Variants in RNF212B observed in about 807,000 individuals in gnomAD.
The protein encoded by RNF212B is E3 ubiquitin-protein ligase RNF212B.
In RNF212B, 52 loss-of-function variants were observed where a neutral mutation model predicts 55.5. That is an observed-to-expected ratio of 0.94 (90% confidence interval 0.75 to 1.18). RNF212B has a LOEUF of 1.18. Ranked by LOEUF, RNF212B falls within the 50% of genes most tolerant of loss-of-function variation. RNF212B has a pLI of 0.00. For missense variants in RNF212B, 289 were observed against 350.4 expected (o/e 0.82, Z 1.40); for synonymous variants, 99 against 121.4 (o/e 0.82, Z 1.21).
At chr14:23,269,457 G>T (rs970626321) in intron 12 of RNF212B, among the ~76,000 whole-genome samples, 3 of 152,076 alleles carry the variant, frequency 2.0e-5, no homozygotes, top group Non-Finnish European at 1.5e-5. Context: ...ATTTTGGCCC[G>T]GTAGTGGCTC....
At chr14:23,213,312 T>TA (rs10707951) in intron 2 of RNF212B, among the ~76,000 whole-genome samples, 382 of 140,410 alleles carry the variant, frequency 2.7e-3, no homozygotes, top group Middle Eastern at 7.6e-3. Context: ...GACTCCGTCT[T>TA]AAAAAAAAAA....
intron 1 of RNF212B, among the ~76,000 whole-genome samples, chr14:23,189,414 C>T (rs1172552013): frequency 6.6e-6 from 1 of 152,138 alleles, no homozygotes; most frequent in African/African-American, 2.4e-5. Flanking sequence ...AGACTTTGCT[C>T]TTGAAATTAT....
chr14:23,263,169 A>G (rs558047692), intron 9 of RNF212B, among the ~76,000 whole-genome samples, 199 bp downstream of exon 9: 58 of 152,246 alleles, frequency 3.8e-4, no homozygotes, highest in African/African-American at 1.2e-3. Flanking sequence ...TGGGCAGACA[A>G]TCATTAACAG....
In RNF212B at chr14:23,252,947, T is replaced by C. The variant is rs79116791; in HGVS notation, c.229-5602T>C. 6.8e-4 allele frequency among the ~76,000 whole-genome samples: 103 copies of C among 152,254 alleles called. No individual in the cohort carries two copies. In the East Asian group the frequency reaches 0.017, roughly 26 times the overall value. On this transcript the variant is annotated intron_variant, in intron 4 of 14. Transcript: ENST00000430154. ...TGATTAATGCTTAATTATAACTATA[T>C]TTCTGTCCAGAGCCAAGCATGTAAT...
intron 4 of RNF212B, among the ~76,000 whole-genome samples, chr14:23,249,110 G>T (rs1049621498): frequency 6.6e-6 from 1 of 152,104 alleles, no homozygotes; most frequent in Non-Finnish European, 1.5e-5. Flanking sequence ...TCTATTTTAT[G>T]GTTTTTAAAA....
intron 2 of RNF212B, among the ~76,000 whole-genome samples, chr14:23,213,015 TA>T (rs1880681598): frequency 6.6e-6 from 1 of 151,854 alleles, no homozygotes; most frequent in Admixed American, 6.6e-5. Flanking sequence ...ACCTGTACAC[TA>T]AAAATTATAA....
intron 14 of RNF212B, 123 bp downstream of exon 14, chr14:23,270,784 A>G (rs1886018469): frequency 4.4e-6 from 3 of 675,504 alleles, no homozygotes; most frequent in Non-Finnish European, 5.3e-6. Flanking sequence ...AACTCTGGTA[A>G]CTATATGTTC....
intron 2 of RNF212B, among the ~76,000 whole-genome samples, chr14:23,216,206 A>G (rs1431604503): frequency 5.3e-5 from 8 of 152,332 alleles, no homozygotes; most frequent in Middle Eastern, 3.4e-3. Flanking sequence ...AGATCGTGCC[A>G]CTGCACTCCA....
intron 1 of RNF212B, among the ~76,000 whole-genome samples, chr14:23,191,403 C>G (rs1878111181): frequency 6.6e-6 from 1 of 150,912 alleles, no homozygotes; most frequent in Non-Finnish European, 1.5e-5. Context: ...TCACCTGTAC[C>G]TTGCCTTTTA....
intron 5 of RNF212B, 97 bp from the exon 6 acceptor site, chr14:23,259,787 C>G (rs1885164423): frequency 3.8e-6 from 2 of 525,032 alleles, no homozygotes; most frequent in Non-Finnish European, 6.6e-6. Flanking sequence ...AAGCATTTCT[C>G]AGTAAGTATT....
intron 2 of RNF212B, among the ~76,000 whole-genome samples, chr14:23,231,838 C>G (rs558069946): frequency 6.6e-6 from 1 of 152,226 alleles, no homozygotes; most frequent in Non-Finnish European, 1.5e-5. Flanking sequence ...GAGGGGGTTT[C>G]GCTGTGTTGG....
chr14:23,188,571 A>T (rs1043584583), intron 1 of RNF212B, among the ~76,000 whole-genome samples: 1 of 150,964 alleles, frequency 6.6e-6, no homozygotes, highest in Non-Finnish European at 1.5e-5. Flanking sequence ...GGTTCAAGTG[A>T]TCCTCCTGCC....
At chr14:23,254,882 T>A (rs888570382) in intron 4 of RNF212B, among the ~76,000 whole-genome samples, 6 of 152,254 alleles carry the variant, frequency 3.9e-5, no homozygotes, top group Admixed American at 1.3e-4. Flanking sequence ...AACTGAAGTT[T>A]TAATATGCTC....
Position 23,272,666 on chromosome 14 carries a change from G to T in RNF212B, c.835-157G>T, listed in dbSNP as rs1886193604. The stretch of plus-strand genomic sequence containing the variant: ...GTCACACTAGATGTAGCAAATCCTA[G>T]TTTGGAAAAGTTAGTTATCATGCAA... On this transcript the variant is annotated intron_variant, in intron 14 of 14. Transcript: ENST00000430154. 4.7e-6 allele frequency: 3 copies of T among 642,054 alleles called. No individual in the cohort carries two copies. The African/African-American group carries it at 5.5e-5, about 12-fold the overall frequency. The allele number at this position is 642,054 out of a possible 1,614,324, so 39.8% of individuals were successfully genotyped here. A position where few individuals can be genotyped will look rare whatever the true frequency, so the allele number is the denominator to read the frequency against.
At chr14:23,229,721 T>C (rs1341889792) in intron 2 of RNF212B, among the ~76,000 whole-genome samples, 1 of 152,224 alleles carries the variant, frequency 6.6e-6, no homozygotes, top group Non-Finnish European at 1.5e-5. Context: ...TTGCCTATTT[T>C]TAATTGGGTT....
chr14:23,263,529 G>A (rs1963151), intron 9 of RNF212B, among the ~76,000 whole-genome samples: 59,045 of 151,950 alleles, frequency 0.39, 11,570 homozygotes, highest in East Asian at 0.42. Flanking sequence ...GCTTAAGGGA[G>A]TTAAGTTTAT....
At chr14:23,212,169 G>A (rs1464523807) in intron 2 of RNF212B, among the ~76,000 whole-genome samples, 2 of 152,226 alleles carry the variant, frequency 1.3e-5, no homozygotes, top group African/African-American at 4.8e-5. Flanking sequence ...ATTGTAGCCA[G>A]CCTTATACAT....
At chr14:23,261,334 A>G (rs1885281867) in intron 7 of RNF212B, 1 of 155,074 alleles carries the variant, frequency 6.4e-6, no homozygotes, top group Non-Finnish European at 1.4e-5. Flanking sequence ...CATAAAGTAC[A>G]TTGATTTCTT....
chr14:23,236,242 G>C (rs1231087029), upstream of RNF212B, among the ~76,000 whole-genome samples: 1 of 152,104 alleles, frequency 6.6e-6, no homozygotes, highest in Non-Finnish European at 1.5e-5. Context: ...TTGGCCAGGC[G>C]CGGTGGCTCA....
Sources: gnomAD v4.1 joint callset for allele counts (sites outside exome capture counted in the v4.1 genomes callset) on GRCh38, gnomAD v4.1.1 for gene constraint, MANE v1.5 for transcripts, NCBI Gene and HGNC (gene_info 2026-07-23, HGNC 2026-07-21) for gene names.